The following FRMD4A variants were observed in gnomAD, a reference collection of about 807,000 sequenced individuals.
FRMD4A encodes the protein FERM domain containing 4A.
In FRMD4A, 29 loss-of-function variants were observed where a neutral mutation model predicts 129.1. The observed-to-expected ratio is 0.22, with a 90% confidence interval of 0.17 to 0.31. FRMD4A has a LOEUF of 0.31. Ranked by LOEUF, FRMD4A falls within the 10% of genes least tolerant of loss-of-function variation. FRMD4A has a pLI of 1.00. For missense variants in FRMD4A, 1,272 were observed against 1,375.8 expected (o/e 0.92, Z 1.19); for synonymous variants, 634 against 571.6 (o/e 1.11, Z -1.56).
rs947429469 is a variant in FRMD4A, at chr10:14,233,016, A to G, written c.45+97042T>C. ...AAAATACAGACTTTTTGAGACAGGT[A>G]TTTCAACCCAGTGTGACACATAGTA... On this transcript the variant is annotated intron_variant, in intron 2 of 24. Transcript: ENST00000357447. 4.6e-5 allele frequency among the ~76,000 whole-genome samples: 7 copies of G among 152,308 alleles called. No individual in the cohort carries two copies. The East Asian group carries it at 7.7e-4, about 17-fold the overall frequency.
At chr10:13,818,553 C>T (rs113545981) in intron 3 of FRMD4A, among the ~76,000 whole-genome samples, 79 of 152,122 alleles carry the variant, frequency 5.2e-4, no homozygotes, top group African/African-American at 1.7e-3. Flanking sequence ...TTCACCCATT[C>T]GAAAAAACTT....
intron 2 of FRMD4A, among the ~76,000 whole-genome samples, chr10:14,070,567 A>G (rs2131715546): frequency 6.6e-6 from 1 of 152,350 alleles, no homozygotes; most frequent in Admixed American, 6.5e-5. Context: ...TGATGGAATG[A>G]GCACCTTCTG....
At chr10:13,881,790 C>T (rs545755638) in intron 2 of FRMD4A, among the ~76,000 whole-genome samples, 69 of 151,780 alleles carry the variant, frequency 4.5e-4, no homozygotes, top group African/African-American at 1.4e-3. Flanking sequence ...TGCCTTCCAG[C>T]ACGCATGCTT....
chr10:13,647,521 A>G (rs1443271264), intron 24 of FRMD4A: 1 of 152,056 alleles, frequency 6.6e-6, no homozygotes, highest in Non-Finnish European at 1.5e-5. Context: ...GGGCTAACAG[A>G]TGTCACTAGG....
At chr10:13,840,518 T>G (rs1015971891) in intron 3 of FRMD4A, among the ~76,000 whole-genome samples, 3 of 152,054 alleles carry the variant, frequency 2.0e-5, no homozygotes, top group African/African-American at 7.2e-5. Flanking sequence ...ACCATGTGGG[T>G]TGGCTCATGT....
intron 2 of FRMD4A, among the ~76,000 whole-genome samples, chr10:14,183,771 A>G (rs1476067598): frequency 6.6e-6 from 1 of 152,210 alleles, no homozygotes; most frequent in Non-Finnish European, 1.5e-5. Context: ...AAACAGAGAC[A>G]CTCATGCCTG....
At chr10:14,127,976 T>C (rs201780757) in intron 2 of FRMD4A, among the ~76,000 whole-genome samples, 1,694 of 21,864 alleles carry the variant, frequency 0.077, 125 homozygotes, top group Middle Eastern at 0.12. Context: ...CTTTCTTTCT[T>C]TCCTTCTCTC....
intron 2 of FRMD4A, among the ~76,000 whole-genome samples, chr10:13,882,167 T>C (rs752715375): frequency 6.6e-6 from 1 of 151,910 alleles, no homozygotes; most frequent in African/African-American, 2.4e-5. Flanking sequence ...GTGGATGTGG[T>C]CAGGGGTATA....
chr10:13,849,625 A>G (rs1187257805), intron 3 of FRMD4A, among the ~76,000 whole-genome samples: 3 of 151,342 alleles, frequency 2.0e-5, no homozygotes, highest in Non-Finnish European at 1.5e-5. Context: ...GGATACAGGC[A>G]TGCACCACCA....
rs2081062407 is a variant in FRMD4A at position 13,645,378 on chromosome 10, C to T, written c.*1660G>A. ...TTCCACCCCCACCCCATCCCCCCAC[C>T]ACTTGCGCCAAAAGCACAGCATACC... On this transcript the variant is annotated 3_prime_UTR_variant, in exon 25 of 25. Transcript: ENST00000357447. 6.6e-6 allele frequency: 1 copy of T among 152,186 alleles called. No homozygotes were observed. Among genetic ancestry groups the T allele is most frequent in the South Asian group, 2.1e-4 (1 of 4,776 alleles). 9.4% of individuals were successfully genotyped at this position (152,186 alleles called of 1,614,324 possible).
chr10:13,810,837 A>G lies in FRMD4A; in HGVS notation c.183T>C (p.Phe61=). The change falls in exon 4 of 25, where the codon TTT becomes TTC. Residue 61 remains phenylalanine (F), a synonymous_variant. Coordinates refer to ENST00000357447, the MANE Select transcript of FRMD4A (RefSeq NM_018027.5). Reference sequence around the variant, plus strand: ...ACGTTTCATCTGTGAATGCTATTCCAAAGTACTCCTTTTCCTTCAGATTGA... The same window carrying G: ...ACGTTTCATCTGTGAATGCTATTCCGAAGTACTCCTTTTCCTTCAGATTGA... ...SHFNLKEKEY[F]GIAFTDETGH... 1 of 1,590,448 alleles carries G rather than the reference A, an allele frequency of 6.3e-7. No homozygotes were observed. The highest frequency in any genetic ancestry group is 8.6e-7 in the Non-Finnish European group (1 of 1,159,078).
chr10:14,018,417 C>A (rs1011660551), intron 2 of FRMD4A, among the ~76,000 whole-genome samples: 2 of 132,558 alleles, frequency 1.5e-5, no homozygotes, highest in Admixed American at 8.8e-5. Context: ...GGTCGTGCCA[C>A]TGCACTCCAG....
rs148967910 is a variant in FRMD4A, at chr10:14,028,661, C to T, written c.46-169749G>A. Among the ~76,000 whole-genome samples the T allele has an allele frequency of 9.1e-4, 139 of 152,316 alleles. 1 individual carries two copies. Among genetic ancestry groups the T allele is most frequent in the Non-Finnish European group, 1.6e-3 (112 of 68,028 alleles). On this transcript the variant is annotated intron_variant, in intron 2 of 24. Transcript: ENST00000357447. ...AAATGCTTGAGGGGATGGAGACCCC[C>T]ATTTTCCACAGTGTGATTATGACAC...
At chr10:13,953,610 G>C (rs2095388880) in intron 2 of FRMD4A, among the ~76,000 whole-genome samples, 1 of 152,256 alleles carries the variant, frequency 6.6e-6, no homozygotes, top group East Asian at 1.9e-4. Context: ...TTGGTTCCCA[G>C]ATCGACTGTC....
At chr10:14,113,817 C>T (rs563430425) in intron 2 of FRMD4A, among the ~76,000 whole-genome samples, 2 of 152,218 alleles carry the variant, frequency 1.3e-5, no homozygotes, top group South Asian at 4.1e-4. Flanking sequence ...TTGTTCTCTT[C>T]TTCCTCTTCT....
At chr10:13,685,484 G>A (rs2084984102) in intron 15 of FRMD4A, 1 of 984,774 alleles carries the variant, frequency 1.0e-6, no homozygotes, top group Non-Finnish European at 1.2e-6. Context: ...TGTGAAATGA[G>A]GGAGCTGACC....
chr10:13,706,125 G>A (rs2087409590), intron 13 of FRMD4A, among the ~76,000 whole-genome samples: 1 of 152,078 alleles, frequency 6.6e-6, no homozygotes. Flanking sequence ...CTAAGCCCAG[G>A]GCTGGAGCGT....
chr10:13,700,140 G>GT (rs1420622921), intron 14 of FRMD4A, among the ~76,000 whole-genome samples: 26 of 151,468 alleles, frequency 1.7e-4, no homozygotes, highest in Non-Finnish European at 2.9e-5. Flanking sequence ...AGAGATGGGG[G>GT]TCTCACTATG....
At chr10:13,677,129 C>A (rs2084075643) in intron 15 of FRMD4A, among the ~76,000 whole-genome samples, 1 of 152,208 alleles carries the variant, frequency 6.6e-6, no homozygotes, top group East Asian at 1.9e-4. Context: ...GAAAACCCTG[C>A]ATTCCATCAA....
Sources: gnomAD v4.1 joint callset for allele counts (sites outside exome capture counted in the v4.1 genomes callset) on GRCh38, gnomAD v4.1.1 for gene constraint, MANE v1.5 for transcripts, NCBI Gene and HGNC (gene_info 2026-07-23, HGNC 2026-07-21) for gene names.